Variants in WDR27 observed in about 807,000 individuals in gnomAD.
WDR27 encodes WD repeat-containing protein 27.
A neutral mutation model predicts 114.4 loss-of-function variants in WDR27; 100 were observed. That is an observed-to-expected ratio of 0.87 (90% CI 0.74 to 1.03). The LOEUF is 1.03. WDR27 is among the 50% of genes least tolerant of loss of function. WDR27 has a pLI of 0.00. For missense variants in WDR27, 1,129 were observed against 1,092.9 expected (o/e 1.03, Z -0.47); for synonymous variants, 449 against 423.1 (o/e 1.06, Z -0.75).
chr6:169,435,272 T>G, the WDR27 span, among the ~76,000 whole-genome samples: 1 of 152,342 alleles, frequency 6.6e-6, no homozygotes, highest in African/African-American at 2.4e-5. Context: ...GGAGAACCTC[T>G]GCTAGGGCAG....
At chr6:169,636,861 CA>C (rs1817759367) in intron 18 of WDR27, among the ~76,000 whole-genome samples, 1 of 152,178 alleles carries the variant, frequency 6.6e-6, no homozygotes, top group Non-Finnish European at 1.5e-5. Flanking sequence ...ACCTCACAAC[CA>C]AACGTTATGA....
intron 25 of WDR27, among the ~76,000 whole-genome samples, chr6:169,549,467 T>C (rs1471456385): frequency 6.6e-6 from 1 of 152,170 alleles, no homozygotes. Flanking sequence ...AATTTGGCAG[T>C]TTCCCACAGA....
intron 13 of WDR27, among the ~76,000 whole-genome samples, chr6:169,654,558 G>T (rs1328432805): frequency 2.0e-5 from 3 of 152,240 alleles, no homozygotes; most frequent in Non-Finnish European, 4.4e-5. Flanking sequence ...GCTCAGGAGG[G>T]TCTCCAAAGG....
chr6:169,659,398 A>G lies in WDR27; in HGVS notation c.1197+53T>C. 2 of 1,594,248 alleles carry G rather than the reference A, an allele frequency of 1.3e-6. No homozygotes were observed. The highest frequency in any genetic ancestry group is 1.1e-5 in the South Asian group (1 of 89,164). On this transcript the variant is annotated intron_variant, in intron 11 of 25. Coordinates refer to ENST00000448612, the MANE Select transcript of WDR27 (RefSeq NM_182552.5). This position sits in a 1 kb window ranked among gnomAD's most constrained non-coding sequence, Gnocchi z 4.3. ...CGTTACAGGATCACTCTGAAGAAAG[A>G]AGAAATCAGAGGCACGTCTCATAGA... is the stretch of plus-strand genomic sequence containing the variant.
chr6:169,674,629 C>G (rs938823938), intron 2 of WDR27, among the ~76,000 whole-genome samples: 1 of 152,082 alleles, frequency 6.6e-6, no homozygotes, highest in Admixed American at 6.5e-5. Context: ...GGGTCCACAA[C>G]GTTTGGGAGG....
At chr6:169,482,985 A>T (rs574704319) in intron 25 of WDR27, among the ~76,000 whole-genome samples, 1 of 152,332 alleles carries the variant, frequency 6.6e-6, no homozygotes, top group East Asian at 1.9e-4. Context: ...CTTCAAAACT[A>T]ATGAGAACAA....
intron 25 of WDR27, among the ~76,000 whole-genome samples, chr6:169,479,421 AAAG>A (rs1304967624): frequency 6.6e-6 from 1 of 152,222 alleles, no homozygotes; most frequent in Non-Finnish European, 1.5e-5. Flanking sequence ...CACAAAAGAC[AAAG>A]AAGGACATTA....
intron 25 of WDR27, among the ~76,000 whole-genome samples, chr6:169,529,298 G>A (rs1249684584): frequency 3.8e-5 from 4 of 106,326 alleles, no homozygotes; most frequent in African/African-American, 1.3e-4. Context: ...GCACGTTAAC[G>A]GTGGTGACCT....
chr6:169,566,392 C>T (rs9371142), intron 25 of WDR27, among the ~76,000 whole-genome samples: 132,591 of 152,214 alleles, frequency 0.87, 58,827 homozygotes, highest in East Asian at 0.96. Flanking sequence ...ACAGAGGGGC[C>T]GGCCCTCCAG....
the WDR27 span, among the ~76,000 whole-genome samples, chr6:169,443,279 T>G: frequency 1.3e-5 from 2 of 152,222 alleles, no homozygotes; most frequent in Admixed American, 6.5e-5. Context: ...GGCTGGGTAC[T>G]TGGAACTAAG....
chr6:169,579,656 G>T (rs1258797242), intron 24 of WDR27, among the ~76,000 whole-genome samples: 1 of 152,160 alleles, frequency 6.6e-6, no homozygotes, highest in African/African-American at 2.4e-5. Context: ...ACCCAGAAGT[G>T]ACCTTATGTG....
rs116149198 is a variant in WDR27 at position 169,654,820 on chromosome 6, C to T, written c.1403-2812G>A. 3.7e-3 allele frequency among the ~76,000 whole-genome samples: 563 copies of T among 151,996 alleles called. 4 individuals are homozygous for T. The highest frequency in any genetic ancestry group is 0.013 in the African/African-American group (532 of 41,446). ...GAGGCGCGCTCAGGAGGAGGAGGGG[C>T]GCTCAGAAGGAGGCGGCTCGCTCAG... On this transcript the variant is annotated intron_variant, in intron 13 of 25. Coordinates refer to ENST00000448612, the MANE Select transcript of WDR27 (RefSeq NM_182552.5).
intron 2 of WDR27, among the ~76,000 whole-genome samples, chr6:169,680,974 A>G (rs755823630): frequency 1.3e-5 from 2 of 152,254 alleles, no homozygotes; most frequent in African/African-American, 4.8e-5. Context: ...GCCTCTTTCA[A>G]TAACTGACTG....
the WDR27 span, among the ~76,000 whole-genome samples, chr6:169,427,440 G>GA: frequency 6.6e-6 from 1 of 151,878 alleles, no homozygotes; most frequent in Admixed American, 6.6e-5. Flanking sequence ...AGGACCGTGG[G>GA]CCCCCCATCT....
chr6:169,620,285 C>A (rs1049499033), intron 21 of WDR27, among the ~76,000 whole-genome samples: 1 of 152,190 alleles, frequency 6.6e-6, no homozygotes, highest in African/African-American at 2.4e-5. Flanking sequence ...TCAGGCAAAA[C>A]CTGCCTCCCA....
At chr6:169,433,290 T>C in the WDR27 span, among the ~76,000 whole-genome samples, 2 of 152,134 alleles carry the variant, frequency 1.3e-5, no homozygotes, top group African/African-American at 4.8e-5. Context: ...CCTCCCTGTT[T>C]CCATGTGTTC....
At chr6:169,623,499 A>T (rs1416511568) in intron 21 of WDR27, among the ~76,000 whole-genome samples, 1 of 152,122 alleles carries the variant, frequency 6.6e-6, no homozygotes, top group Non-Finnish European at 1.5e-5. Flanking sequence ...CCAGTGGCTC[A>T]GCTGTGGCCC....
intron 20 of WDR27, 101 bp downstream of exon 20, chr6:169,634,327 C>A: frequency 1.3e-6 from 1 of 787,770 alleles, no homozygotes; most frequent in South Asian, 1.8e-5. Context: ...TCCCGGAGCC[C>A]CACACAATGC....
At chr6:169,510,059 T>G (rs1792603471) in intron 25 of WDR27, among the ~76,000 whole-genome samples, 1 of 152,058 alleles carries the variant, frequency 6.6e-6, no homozygotes, top group South Asian at 2.1e-4. Flanking sequence ...ATCAGAGAAA[T>G]GCAAATCGAA....
Sources: gnomAD v4.1 joint callset for allele counts (sites outside exome capture counted in the v4.1 genomes callset) on GRCh38, gnomAD v4.1.1 for gene constraint, Gnocchi (gnomAD v3.1) non-coding constraint, MANE v1.5 for transcripts, NCBI Gene and HGNC (gene_info 2026-07-23, HGNC 2026-07-21) for gene names.